The following EPB41L4A variants were observed in gnomAD, a reference collection of about 807,000 sequenced individuals.
EPB41L4A encodes band 4.1-like protein 4A.
Under a neutral mutation model 108.6 loss-of-function variants are expected in EPB41L4A, and 100 were observed. That is an observed-to-expected ratio of 0.92 (90% CI 0.78 to 1.09). The LOEUF is 1.09. EPB41L4A is among the 50% of genes least tolerant of loss of function. The probability of loss-of-function intolerance (pLI) is 0.00; values close to 1 mark genes in which losing one functional copy is unlikely to be tolerated. For missense variants in EPB41L4A, 1,030 were observed against 842.7 expected, an observed-to-expected ratio of 1.22 and a Z score of -2.75; for synonymous variants, 319 against 289.0, an observed-to-expected ratio of 1.10 and a Z score of -1.05.
At chr5:112,156,261 G>GTC (rs980670680) in intron 12 of EPB41L4A, among the ~76,000 whole-genome samples, 4 of 152,072 alleles carry the variant, frequency 2.6e-5, no homozygotes, top group African/African-American at 9.7e-5. Context: ...GCATAAAAAT[G>GTC]ACACACACAC....
At chr5:112,368,277 C>A (rs1275735035) in intron 1 of EPB41L4A, among the ~76,000 whole-genome samples, 1 of 152,142 alleles carries the variant, frequency 6.6e-6, no homozygotes, top group Non-Finnish European at 1.5e-5. Flanking sequence ...CCCTCATCCC[C>A]TTGCACTTGA....
At chr5:112,270,318 A>G (rs1156865536) in intron 4 of EPB41L4A, among the ~76,000 whole-genome samples, 1 of 152,188 alleles carries the variant, frequency 6.6e-6, no homozygotes, top group Non-Finnish European at 1.5e-5. Context: ...GAGAACCTAG[A>G]GGAGAGTACC....
At chr5:112,300,683 T>C (rs1375270564) in intron 2 of EPB41L4A, among the ~76,000 whole-genome samples, 2 of 152,188 alleles carry the variant, frequency 1.3e-5, no homozygotes, top group East Asian at 1.9e-4. Context: ...TATTTGGATG[T>C]TTAGGTCTTT....
chr5:112,274,057 G>C (rs1752449866), intron 4 of EPB41L4A, among the ~76,000 whole-genome samples: 1 of 152,072 alleles, frequency 6.6e-6, no homozygotes, highest in Non-Finnish European at 1.5e-5. Flanking sequence ...GGGAGGCCAA[G>C]GCAGGAGGAT....
rs540393615 is a variant in EPB41L4A at position 112,202,378 on chromosome 5, T to G, written c.1376+1997A>C. Among the ~76,000 whole-genome samples the G allele has an allele frequency of 2.0e-5, 3 of 152,306 alleles. No homozygotes were observed. The South Asian group carries it at 6.2e-4, about 32-fold the overall frequency. On this transcript the variant is annotated intron_variant, in intron 15 of 22. Transcript: ENST00000261486. ...TCCAGAGGCAGTAAAAGCAGCTAGA[T>G]CTCTTGAGTTACACCACTCTCTGCT...
At chr5:112,386,433 T>C (rs1275994442) in intron 1 of EPB41L4A, among the ~76,000 whole-genome samples, 2 of 152,228 alleles carry the variant, frequency 1.3e-5, no homozygotes, top group African/African-American at 4.8e-5. Context: ...ATAGTAATTA[T>C]TTTAAGAAAG....
At chr5:112,146,445 G>C (rs1580316875) in intron 12 of EPB41L4A, among the ~76,000 whole-genome samples, 1 of 152,178 alleles carries the variant, frequency 6.6e-6, no homozygotes, top group African/African-American at 2.4e-5. Context: ...CAGGAGCAGA[G>C]GATCTTCCAA....
intron 2 of EPB41L4A, among the ~76,000 whole-genome samples, chr5:112,306,826 GAATT>G (rs137882537): frequency 0.17 from 25,422 of 151,980 alleles, 2,560 homozygotes; most frequent in African/African-American, 0.28. Context: ...AAGACCCTCT[GAATT>G]AACCTTTGTG....
chr5:112,147,467 C>A (rs1031086017), intron 12 of EPB41L4A, among the ~76,000 whole-genome samples: 4 of 151,272 alleles, frequency 2.6e-5, no homozygotes, highest in African/African-American at 9.7e-5. Flanking sequence ...TAGTGAAACC[C>A]CTTCTCTACT....
intron 1 of EPB41L4A, among the ~76,000 whole-genome samples, chr5:112,408,137 G>A (rs1349771738): frequency 6.6e-6 from 1 of 151,934 alleles, no homozygotes; most frequent in Non-Finnish European, 1.5e-5. Flanking sequence ...TTTTTATAAG[G>A]GTGCCAAGAC....
Position 112,170,444 on chromosome 5 carries a change from G to GAA in EPB41L4A, c.1671-76_1671-75insTT, listed in dbSNP as rs1191911148. ...CTAGTATCTTTCACAATCGGCAGGTGAGTTTTCCCTTTCTAATCTTGTCCC... is the reference window on the plus strand; with the variant it reads ...CTAGTATCTTTCACAATCGGCAGGTGAAAGTTTTCCCTTTCTAATCTTGTCCC... On this transcript the variant is annotated intron_variant, in intron 19 of 22. Coordinates refer to ENST00000261486, the MANE Select transcript of EPB41L4A (RefSeq NM_022140.5). 4.2e-6 allele frequency: 4 copies of GAA among 954,652 alleles called. No individual in the cohort carries two copies. The African/African-American group carries it at 6.6e-5, about 16-fold the overall frequency. The allele number at this position is 954,652 out of a possible 1,614,324, so 59.1% of individuals were successfully genotyped here. A position where few individuals can be genotyped will look rare whatever the true frequency, so the allele number is the denominator to read the frequency against.
chr5:112,147,640 GA>G (rs562034345), intron 12 of EPB41L4A, among the ~76,000 whole-genome samples: 169 of 65,688 alleles, frequency 2.6e-3, no homozygotes, highest in South Asian at 0.011. Flanking sequence ...TCTGTCTCAA[GA>G]AAAAAAAAAA....
upstream of EPB41L4A, chr5:112,419,325 T>G (rs1762933531): frequency 5.9e-6 from 2 of 341,700 alleles, no homozygotes; most frequent in Non-Finnish European, 1.1e-5. Context: ...CGGCTCGAGC[T>G]CCTCCGAAGG....
chr5:112,311,160 G>A (rs1012155953), intron 1 of EPB41L4A, among the ~76,000 whole-genome samples: 4 of 152,076 alleles, frequency 2.6e-5, no homozygotes, highest in Non-Finnish European at 5.9e-5. Context: ...CACCACACCC[G>A]GCTACAGCAT....
chr5:112,331,803 C>T (rs1284966521), intron 1 of EPB41L4A, among the ~76,000 whole-genome samples: 1 of 152,206 alleles, frequency 6.6e-6, no homozygotes, highest in Non-Finnish European at 1.5e-5. Flanking sequence ...GTGACAGCAG[C>T]TGGAGGCTAC....
chr5:112,303,848 C>T (rs1754530673), intron 2 of EPB41L4A, among the ~76,000 whole-genome samples: 1 of 151,888 alleles, frequency 6.6e-6, no homozygotes, highest in Non-Finnish European at 1.5e-5. Flanking sequence ...GCAGAAGGAG[C>T]CAAAGACAGC....
rs1370938514 is a variant in EPB41L4A, at chr5:112,193,212, A to C, written c.1502+1356T>G. On this transcript the variant is annotated intron_variant, in intron 17 of 22. Transcript: ENST00000261486. ...TTTGTAGTTAGAGGATCACTGATTC[A>C]ATTTGTGCCAAGCGCAAGGGTTCTA... Among the ~76,000 whole-genome samples the C allele has an allele frequency of 2.0e-5, 3 of 152,220 alleles. No homozygotes were observed. In the East Asian group the frequency reaches 5.8e-4, roughly 29 times the overall value.
chr5:112,152,267 G>C (rs942707609), intron 12 of EPB41L4A, among the ~76,000 whole-genome samples: 1 of 151,908 alleles, frequency 6.6e-6, no homozygotes, highest in Non-Finnish European at 1.5e-5. Flanking sequence ...TAAAACAAAG[G>C]TATAATATTT....
chr5:112,150,148 G>A (rs559467103), intron 12 of EPB41L4A, among the ~76,000 whole-genome samples: 1 of 152,258 alleles, frequency 6.6e-6, no homozygotes, highest in South Asian at 2.1e-4. Flanking sequence ...TTACACTTAT[G>A]TGTAGTCTGA....
Sources: allele counts gnomAD v4.1 joint callset (sites outside exome capture counted in the v4.1 genomes callset), GRCh38; gene constraint gnomAD v4.1.1; transcripts MANE v1.5; gene names NCBI Gene and HGNC (gene_info 2026-07-23, HGNC 2026-07-21).